DNAH10: variants seen among roughly 807,000 people sequenced by gnomAD.
DNAH10 encodes axonemal beta dynein heavy chain 10.
In DNAH10, 348 loss-of-function variants were observed where a neutral mutation model predicts 506.6. The observed-to-expected ratio is 0.69, with a 90% CI of 0.63 to 0.75. DNAH10 has a LOEUF of 0.75. Among genes scored for constraint, DNAH10 ranks in the 30% least tolerant of loss-of-function variants. The pLI is 0.00. For synonymous variants in DNAH10, 2,059 were observed against 2,198.6 expected, an observed-to-expected ratio of 0.94 and a Z score of 1.78; for missense variants, 5,179 against 5,787.1, an observed-to-expected ratio of 0.89 and a Z score of 3.41.
intron 65 of DNAH10, chr12:123,923,544 T>C: frequency 2.3e-6 from 1 of 428,918 alleles, no homozygotes; most frequent in Non-Finnish European, 4.1e-6. Context: ...TTCCGTTACA[T>C]ACAGGAGCAT....
intron 56 of DNAH10, among the ~76,000 whole-genome samples, chr12:123,900,511 G>A (rs10846574): frequency 0.3 from 44,871 of 152,046 alleles, 7,568 homozygotes; most frequent in African/African-American, 0.47. Context: ...TGCCACACCT[G>A]TGTTTAGTGC....
In DNAH10 at chr12:123,929,507, G is replaced by A. The variant is rs768954956; in HGVS notation, c.12516+23G>A. On this transcript the variant is annotated intron_variant, in intron 71 of 78. Transcript: ENST00000673944. Reference sequence around the variant, plus strand: ...CAGGTGACAGTGGCTGCTTCTCCTTGGAAATGGCTTCCTTAGGCGGCCCAC... The same window carrying A: ...CAGGTGACAGTGGCTGCTTCTCCTTAGAAATGGCTTCCTTAGGCGGCCCAC... 22 of 1,607,856 alleles carry A rather than the reference G, an allele frequency of 1.4e-5. No homozygotes were observed. In the South Asian group the frequency reaches 2.3e-4, roughly 17 times the overall value.
Position 123,795,570 on chromosome 12 carries a change from A to G in DNAH10, c.1987-1086A>G, listed in dbSNP as rs563827869. Among the ~76,000 whole-genome samples, 11 of 152,208 alleles carry G rather than the reference A, an allele frequency of 7.2e-5. No individual in the cohort carries two copies. In the South Asian group the frequency reaches 8.3e-4, roughly 11 times the overall value. On this transcript the variant is annotated intron_variant, in intron 12 of 78. Transcript: ENST00000673944. The stretch of plus-strand genomic sequence containing the variant: ...TCTGCCTCCTCCTTCCTGTTTTAGG[A>G]CCCTTGTGATTACATAGAACCTCCC...
At chr12:123,799,062 G>A (rs1434162390) in intron 13 of DNAH10, among the ~76,000 whole-genome samples, 184 bp from the exon 14 acceptor site, 3 of 141,906 alleles carry the variant, frequency 2.1e-5, no homozygotes, top group Admixed American at 7.3e-5. Flanking sequence ...CTGAGATCGC[G>A]CTACTACACT....
At position 123,881,794 on chromosome 12, in the gene DNAH10, CCT is replaced by C; in HGVS notation, c.8805_8806del (p.Phe2936HisfsTer5). ...AAGCAGTCTCTTTCGAGGCTGGCTG[CCT>C]TCACAGCCAGCTGTGAGGTCAGTCC... On this transcript the variant is annotated frameshift_variant, in exon 51 of 79. Coordinates refer to ENST00000673944, the MANE Select transcript of DNAH10 (RefSeq NM_001372106.1). LOFTEE classifies it high-confidence loss of function. 1 of 1,512,728 alleles carries C rather than the reference CCT, an allele frequency of 6.6e-7. No individual in the cohort carries two copies. Among genetic ancestry groups the C allele is most frequent in the Non-Finnish European group, 8.8e-7 (1 of 1,130,438 alleles). The allele number at this position is 1,512,728 out of a possible 1,614,324, so 93.7% of individuals were successfully genotyped here.
chr12:123,833,441 G>T (rs1371571788), intron 27 of DNAH10, 94 bp downstream of exon 27: 1 of 946,990 alleles, frequency 1.1e-6, no homozygotes, highest in Non-Finnish European at 1.6e-6. Flanking sequence ...TTTATATGAG[G>T]ATATTTTGTG....
Position 123,864,657 on chromosome 12 carries a change from A to G in DNAH10, c.6971A>G (p.Asp2324Gly), listed in dbSNP as rs1951734755. 1 of 1,613,906 alleles carries G rather than the reference A, an allele frequency of 6.2e-7. No individual in the cohort carries two copies. Among genetic ancestry groups the G allele is most frequent in the Non-Finnish European group, 8.5e-7 (1 of 1,179,914 alleles). The change falls in exon 40 of 79, where the codon GAT (aspartate) becomes GGT (glycine). Residue 2324 changes from aspartate to glycine, a missense_variant. By Grantham distance (94) the Asp-to-Gly change is moderately conservative (BLOSUM62 -1). Transcript: ENST00000673944. ...GTGGAAAACATGAATTCTGTGATGGATGACAACAGGTTGTTGACATTGGCC... is the reference window on the plus strand; with the variant it reads ...GTGGAAAACATGAATTCTGTGATGGGTGACAACAGGTTGTTGACATTGGCC... The part of the protein sequence containing the change: ...LWVENMNSVM[D>G]DNRLLTLANG...
intron 29 of DNAH10, 88 bp downstream of exon 29, chr12:123,838,777 C>A: frequency 8.1e-7 from 1 of 1,232,092 alleles, no homozygotes; most frequent in Non-Finnish European, 1.2e-6. Context: ...TGAGGTTCAA[C>A]CCAGAGGGTT....
Position 123,785,636 on chromosome 12 carries a change from G to GC in DNAH10, c.1231-110_1231-109insC. On this transcript the variant is annotated intron_variant, in intron 8 of 78. Transcript: ENST00000673944. The surrounding 1 kb of genome is among the most constrained non-coding windows in gnomAD (Gnocchi z 4.1). Reference sequence around the variant, plus strand: ...CCTGGGCACCAGACTTGGTCTCAAGGAAAAAAAAAAAAAAAAAAGAGTGAA... The same window carrying GC: ...CCTGGGCACCAGACTTGGTCTCAAGGCAAAAAAAAAAAAAAAAAAGAGTGAA... 1.4e-6 allele frequency: 1 copy of GC among 704,982 alleles called. No individual in the cohort carries two copies. Among genetic ancestry groups the GC allele is most frequent in the Non-Finnish European group, 2.0e-6 (1 of 507,768 alleles). 43.7% of individuals were successfully genotyped at this position (704,982 alleles called of 1,614,324 possible).
At position 123,867,082 on chromosome 12, in the gene DNAH10, A is replaced by G. The variant is rs1012915346; in HGVS notation, c.7168-385A>G. ...GAGACAGCTGTCTCAGGACCCTTGC[A>G]ATCCCTGGTGGTGATTGGTGCTTTG... is the stretch of plus-strand genomic sequence containing the variant. On this transcript the variant is annotated intron_variant, in intron 41 of 78. Coordinates refer to ENST00000673944, the MANE Select transcript of DNAH10 (RefSeq NM_001372106.1). 3.9e-5 allele frequency among the ~76,000 whole-genome samples: 6 copies of G among 152,186 alleles called. No individual in the cohort carries two copies. The East Asian group carries it at 5.8e-4, about 15-fold the overall frequency.
At chr12:123,854,565 A>G (rs1485329357) in intron 36 of DNAH10, among the ~76,000 whole-genome samples, 2 of 152,312 alleles carry the variant, frequency 1.3e-5, no homozygotes, top group African/African-American at 4.8e-5. Context: ...CAAATACCGA[A>G]TATCCAAGGA....
intron 15 of DNAH10, among the ~76,000 whole-genome samples, chr12:123,800,917 T>A (rs191387119): frequency 1.3e-5 from 2 of 151,810 alleles, no homozygotes; most frequent in African/African-American, 4.8e-5. Context: ...CTTGGGAGGC[T>A]GAGGCAGGAG....
At chr12:123,873,340 C>T (rs938693221) in intron 45 of DNAH10, among the ~76,000 whole-genome samples, 10 of 152,158 alleles carry the variant, frequency 6.6e-5, no homozygotes, top group South Asian at 2.1e-4. Context: ...GGCTCACATG[C>T]GACAATTCGC....
chr12:123,845,625 GGC>G lies in DNAH10; in HGVS notation c.5387_5388del (p.Gly1796AspfsTer7). ...AGTCGACTGGATGCTCCTGTACCAG[GGC>G]ATGGTGGTGCTGGCCGCTAGCCAGG... ...SRVDWMLLYQ[G>X]MVVLAASQVW... On this transcript the variant is annotated frameshift_variant, in exon 31 of 79. Coordinates refer to ENST00000673944, the MANE Select transcript of DNAH10 (RefSeq NM_001372106.1). LOFTEE classifies it high-confidence loss of function. The G allele has an allele frequency of 6.2e-7, 1 of 1,613,348 alleles. No individual in the cohort carries two copies. Among genetic ancestry groups the G allele is most frequent in the Non-Finnish European group, 8.5e-7 (1 of 1,179,880 alleles).
At chr12:123,894,591 C>A in intron 53 of DNAH10, 52 bp from the exon 54 acceptor site, 6 of 1,543,554 alleles carry the variant, frequency 3.9e-6, no homozygotes, top group South Asian at 1.1e-5. Context: ...GACAGGGTCT[C>A]GCCACATTGC....
At chr12:123,773,654 C>CAG (rs148965030) in intron 4 of DNAH10, among the ~76,000 whole-genome samples, 2 of 151,106 alleles carry the variant, frequency 1.3e-5, no homozygotes, top group African/African-American at 2.4e-5. Context: ...TGGTGGAGAG[C>CAG]AGAGAGAGAG....
chr12:123,917,981 C>T lies in DNAH10; in HGVS notation c.11232+168C>T, dbSNP rs1353541685. Among the ~76,000 whole-genome samples, 1 of 152,196 alleles carries T rather than the reference C, an allele frequency of 6.6e-6. No individual in the cohort carries two copies. The highest frequency in any genetic ancestry group is 2.4e-5 in the African/African-American group (1 of 41,450). ...GGGAGGGGAGCCCTAAAGGTGTTCC[C>T]AGGGACCCTTGGGCATCAGGTCAGT... On this transcript the variant is annotated intron_variant, in intron 64 of 78. Transcript: ENST00000673944. The surrounding 1 kb of genome is among the most constrained non-coding windows in gnomAD (Gnocchi z 5.6).
At chr12:123,927,072 T>C in intron 69 of DNAH10, 1 of 491,266 alleles carries the variant, frequency 2.0e-6, no homozygotes, top group Non-Finnish European at 3.6e-6. Flanking sequence ...AGACAGGGTC[T>C]CACTCTGTCA....
At chr12:123,777,395 C>T (rs11832329) in intron 5 of DNAH10, among the ~76,000 whole-genome samples, 112,169 of 152,166 alleles carry the variant, frequency 0.74, 42,007 homozygotes, top group East Asian at 1. Flanking sequence ...CAAGAAGGCA[C>T]AGGCAAAGAA....
Sources: allele counts gnomAD v4.1 joint callset (sites outside exome capture counted in the v4.1 genomes callset), GRCh38; gene constraint gnomAD v4.1.1; non-coding constraint Gnocchi (gnomAD v3.1); transcripts MANE v1.5; gene names NCBI Gene and HGNC (gene_info 2026-07-23, HGNC 2026-07-21).